Variants in PIBF1 observed in about 807,000 individuals in gnomAD.
PIBF1 encodes the protein progesterone-induced-blocking factor 1.
Under a neutral mutation model 112.5 loss-of-function variants are expected in PIBF1, and 90 were observed. The ratio of observed to expected loss-of-function variants is 0.80; its 90% CI spans 0.67 to 0.95. PIBF1 has a LOEUF of 0.95. Ranked by LOEUF, PIBF1 falls within the 40% of genes least tolerant of loss-of-function variation. The pLI is 0.00. For missense variants in PIBF1, 915 were observed against 852.3 expected, an observed-to-expected ratio of 1.07 and a Z score of -0.92; for synonymous variants, 301 against 288.6, an observed-to-expected ratio of 1.04 and a Z score of -0.44.
chr13:72,783,587 C>G lies in PIBF1; in HGVS notation c.118C>G (p.Arg40Gly), dbSNP rs770532605. The G allele has an allele frequency of 1.9e-6, 3 of 1,613,786 alleles. No individual in the cohort carries two copies. The highest frequency in any genetic ancestry group is 3.3e-5 in the Admixed American group (2 of 59,996). ...GGATGATATTTCCTCATCAGAAGAG[C>G]GAGAGGGCAAAGTCAGAATCACCAG... ...PTDDISSSEE[R>G]EGKVRITRQL... The change falls in exon 2 of 18, where the codon CGA becomes GGA. Residue 40 changes from arginine (R) to glycine (G), a missense_variant. Coordinates refer to ENST00000326291, the MANE Select transcript of PIBF1 (RefSeq NM_006346.4).
chr13:72,953,594 T>G (rs374240768), intron 14 of PIBF1, among the ~76,000 whole-genome samples: 1 of 152,140 alleles, frequency 6.6e-6, no homozygotes, highest in African/African-American at 2.4e-5. Context: ...ACAAATAACC[T>G]TAGTGTTGGC....
At chr13:72,911,255 C>T (rs1477782636) in intron 12 of PIBF1, among the ~76,000 whole-genome samples, 3 of 152,098 alleles carry the variant, frequency 2.0e-5, no homozygotes, top group Non-Finnish European at 4.4e-5. Context: ...TATAAAGCTT[C>T]AATATCAGGA....
At chr13:72,993,067 C>G (rs2043530662) in intron 16 of PIBF1, among the ~76,000 whole-genome samples, 1 of 152,174 alleles carries the variant, frequency 6.6e-6, no homozygotes, top group African/African-American at 2.4e-5. Context: ...GATGCAGTGG[C>G]TCACGCCTGT....
chr13:72,978,280 TA>T (rs1170721847), intron 16 of PIBF1, among the ~76,000 whole-genome samples: 1 of 152,210 alleles, frequency 6.6e-6, no homozygotes, highest in African/African-American at 2.4e-5. Flanking sequence ...TACATCCACA[TA>T]AATGACATAA....
Position 72,916,425 on chromosome 13 carries a change from C to A in PIBF1, c.1640-651C>A, listed in dbSNP as rs543802504. Reference sequence around the variant, plus strand: ...ATATATATATATATATTTTTTTAATCCCAACTTGCAGTAAAATGTCATTGC... The same window carrying A: ...ATATATATATATATATTTTTTTAATACCAACTTGCAGTAAAATGTCATTGC... On this transcript the variant is annotated intron_variant, in intron 12 of 17. Transcript: ENST00000326291. Among the ~76,000 whole-genome samples, 139 of 146,756 alleles carry A rather than the reference C, an allele frequency of 9.5e-4. 1 individual carries two copies. The highest frequency in any genetic ancestry group is 3.4e-3 in the African/African-American group (127 of 37,826).
At chr13:72,818,224 C>T (rs914967421) in intron 5 of PIBF1, among the ~76,000 whole-genome samples, 1 of 152,168 alleles carries the variant, frequency 6.6e-6, no homozygotes, top group Non-Finnish European at 1.5e-5. Flanking sequence ...ACAGAAAACA[C>T]TGCTTCTTTG....
chr13:72,908,241 A>G (rs1285520917), intron 11 of PIBF1, among the ~76,000 whole-genome samples: 2 of 152,154 alleles, frequency 1.3e-5, no homozygotes, highest in East Asian at 3.9e-4. Flanking sequence ...TTTAAATTCT[A>G]ACAAGCAAAT....
At chr13:72,823,571 A>G (rs761305021) in intron 6 of PIBF1, among the ~76,000 whole-genome samples, 25 of 152,170 alleles carry the variant, frequency 1.6e-4, no homozygotes, top group Non-Finnish European at 3.2e-4. Flanking sequence ...AAGCCCTTTT[A>G]TGCCCCGGGT....
At chr13:72,937,274 T>A (rs1460370065) in intron 14 of PIBF1, among the ~76,000 whole-genome samples, 2 of 152,230 alleles carry the variant, frequency 1.3e-5, no homozygotes. Flanking sequence ...TGAATTTTTT[T>A]ATTTCATTTT....
At chr13:72,811,095 C>T (rs1165792900) in intron 5 of PIBF1, among the ~76,000 whole-genome samples, 1 of 152,088 alleles carries the variant, frequency 6.6e-6, no homozygotes, top group Non-Finnish European at 1.5e-5. Context: ...CTCCTGACCT[C>T]GTGATCTGCC....
chr13:72,816,911 C>T (rs901853229), intron 5 of PIBF1, among the ~76,000 whole-genome samples: 8 of 151,986 alleles, frequency 5.3e-5, no homozygotes, highest in Non-Finnish European at 1.0e-4. Context: ...GGCAGCAAAA[C>T]AGACTTCATT....
intron 9 of PIBF1, among the ~76,000 whole-genome samples, chr13:72,844,766 C>CACACGGATGAAGTCTTACTGTTT (rs2037779528): frequency 7.7e-5 from 8 of 104,540 alleles, no homozygotes; most frequent in Admixed American, 2.7e-4. Context: ...CACACACACA[C>CACACGGATGAAGTCTTACTGTTT]ACACACACAC....
chr13:72,934,797 C>T (rs1216488211), intron 14 of PIBF1, among the ~76,000 whole-genome samples: 1 of 152,094 alleles, frequency 6.6e-6, no homozygotes, highest in Non-Finnish European at 1.5e-5. Flanking sequence ...ACATTTGGCA[C>T]ATGAATATAC....
intron 13 of PIBF1, among the ~76,000 whole-genome samples, chr13:72,918,604 T>A (rs2041183003): frequency 6.6e-6 from 1 of 152,024 alleles, no homozygotes; most frequent in East Asian, 1.9e-4. Context: ...GTCAGGCTGG[T>A]CTTGAACTCC....
At chr13:72,957,086 C>A (rs1358893859) in intron 14 of PIBF1, among the ~76,000 whole-genome samples, 8 of 152,084 alleles carry the variant, frequency 5.3e-5, no homozygotes, top group Admixed American at 2.0e-4. Context: ...CTAGTACAAC[C>A]AATATGGAAA....
chr13:72,883,445 T>G (rs1347509406), intron 10 of PIBF1, among the ~76,000 whole-genome samples: 1 of 152,132 alleles, frequency 6.6e-6, no homozygotes, highest in Admixed American at 6.6e-5. Flanking sequence ...CAGTAAGAAT[T>G]TAATTGTACA....
intron 10 of PIBF1, among the ~76,000 whole-genome samples, chr13:72,869,359 T>C (rs558048105): frequency 3.3e-5 from 5 of 150,050 alleles, no homozygotes; most frequent in African/African-American, 4.9e-5. Flanking sequence ...AGTAAACTAT[T>C]GCAAGGACAA....
chr13:72,872,226 G>A (rs1197563280), intron 10 of PIBF1, among the ~76,000 whole-genome samples: 1 of 152,112 alleles, frequency 6.6e-6, no homozygotes, highest in Non-Finnish European at 1.5e-5. Context: ...TGATTATTAC[G>A]GGATTCAGTA....
chr13:72,840,524 CTTTT>C (rs575826319), intron 9 of PIBF1, among the ~76,000 whole-genome samples: 2 of 136,150 alleles, frequency 1.5e-5, no homozygotes, highest in Non-Finnish European at 1.6e-5. Context: ...CCCCAATAAA[CTTTT>C]TTTTTTTTTT....
Sources: gnomAD v4.1 joint callset for allele counts (sites outside exome capture counted in the v4.1 genomes callset) on GRCh38, gnomAD v4.1.1 for gene constraint, MANE v1.5 for transcripts, NCBI Gene and HGNC (gene_info 2026-07-23, HGNC 2026-07-21) for gene names.